Variants in OVCH1 observed in about 807,000 individuals in gnomAD.
OVCH1 encodes the protein ovochymase 1.
In OVCH1, 139 loss-of-function variants were observed where a neutral mutation model predicts 138.4. That is an observed-to-expected ratio of 1.00 (90% CI 0.87 to 1.16). OVCH1 has a LOEUF of 1.16. Among genes scored for constraint, OVCH1 ranks in the 50% most tolerant of loss-of-function variants. The probability of loss-of-function intolerance (pLI) is 0.00; values close to 1 mark genes in which losing one functional copy is unlikely to be tolerated. For synonymous variants in OVCH1, 453 were observed against 467.8 expected (o/e 0.97, Z 0.41); for missense variants, 1,367 against 1,357.9 (o/e 1.01, Z -0.11).
chr12:29,465,496 C>A (rs1269643211), intron 16 of OVCH1, among the ~76,000 whole-genome samples: 2 of 152,026 alleles, frequency 1.3e-5, no homozygotes, highest in African/African-American at 4.8e-5. Context: ...ACTTTTGAAC[C>A]ATCAGATCTT....
chr12:29,402,411 A>G, the OVCH1 span, among the ~76,000 whole-genome samples: 1,508 of 152,296 alleles, frequency 9.9e-3, 22 homozygotes, highest in African/African-American at 0.035. Context: ...CATTTATAAT[A>G]CTTTCTCATT....
At chr12:29,463,500 G>A (rs1312652053) in intron 18 of OVCH1, among the ~76,000 whole-genome samples, 1 of 152,138 alleles carries the variant, frequency 6.6e-6, no homozygotes, top group East Asian at 1.9e-4. Context: ...TGTGGAAGAG[G>A]TTAAGTGGGG....
chr12:29,492,346 A>G (rs1943296075), intron 4 of OVCH1, among the ~76,000 whole-genome samples: 1 of 152,094 alleles, frequency 6.6e-6, no homozygotes, highest in Admixed American at 6.6e-5. Context: ...AAAAATAAAC[A>G]AATCAGAGGT....
At chr12:29,495,425 C>T in exon 4 of OVCH1, 1 of 1,613,180 alleles carries the variant, frequency 6.2e-7, no homozygotes, top group Middle Eastern at 1.7e-4. Flanking sequence ...GCTGTACTCC[C>T]CAGAAGTCAC....
At chr12:29,473,717 A>G (rs1365063575) in intron 14 of OVCH1, among the ~76,000 whole-genome samples, 1 of 152,048 alleles carries the variant, frequency 6.6e-6, no homozygotes, top group East Asian at 1.9e-4. Context: ...TGTCAACTTG[A>G]TTGGATTGAG....
chr12:29,496,772 C>T (rs764028156), intron 1 of OVCH1, 98 bp from the exon 2 acceptor site: 40 of 825,152 alleles, frequency 4.8e-5, no homozygotes, highest in Admixed American at 2.5e-4. Context: ...CTGGCACAGA[C>T]ATTCTGATAG....
In OVCH1 at chr12:29,457,988, T is replaced by G. The variant is rs576474800; in HGVS notation, c.2281-2583A>C. 2.6e-4 allele frequency among the ~76,000 whole-genome samples: 39 copies of G among 152,290 alleles called. No individual in the cohort carries two copies. The East Asian group carries it at 5.6e-3, about 22-fold the overall frequency. On this transcript the variant is annotated intron_variant, in intron 19 of 27. Transcript: ENST00000318184. ...AAAAGATATATCTGGGCTTAGGCTC[T>G]AAGGCAAGATATGGTCAGTTGGAAG...
At chr12:29,473,953 T>C (rs1411715288) in intron 14 of OVCH1, among the ~76,000 whole-genome samples, 1 of 152,066 alleles carries the variant, frequency 6.6e-6, no homozygotes, top group Non-Finnish European at 1.5e-5. Flanking sequence ...CCTAGAACAC[T>C]GGACTCCAAG....
chr12:29,470,614 A>G (rs1942472433), intron 16 of OVCH1, among the ~76,000 whole-genome samples: 1 of 152,148 alleles, frequency 6.6e-6, no homozygotes, highest in African/African-American at 2.4e-5. Context: ...TAACCAATCT[A>G]TCATTGATGG....
chr12:29,403,058 C>T, the OVCH1 span, among the ~76,000 whole-genome samples: 21 of 152,200 alleles, frequency 1.4e-4, no homozygotes, highest in African/African-American at 4.8e-4. Flanking sequence ...CCATTTTGTT[C>T]GAGAGTTAAG....
rs78288577 is a variant in OVCH1, at chr12:29,483,823, C to T, written c.995+2423G>A. On this transcript the variant is annotated intron_variant, in intron 8 of 27. Coordinates refer to ENST00000318184, the Ensembl canonical transcript of OVCH1. Reference sequence around the variant, plus strand: ...CTATAAAATCATAACTATCCTTCAACGCCTCATTTCAATGCCATCTTTTCC... The same window carrying T: ...CTATAAAATCATAACTATCCTTCAATGCCTCATTTCAATGCCATCTTTTCC... Among the ~76,000 whole-genome samples the T allele has an allele frequency of 4.0e-3, 613 of 152,212 alleles. 25 individuals are homozygous for T. In the East Asian group the frequency reaches 0.091, roughly 23 times the overall value.
chr12:29,471,129 A>C (rs1942493567), intron 16 of OVCH1, among the ~76,000 whole-genome samples: 1 of 152,132 alleles, frequency 6.6e-6, no homozygotes, highest in African/African-American at 2.4e-5. Flanking sequence ...GGGTCTCGAA[A>C]GGTGAGTATA....
At chr12:29,484,021 A>G (rs1384085845) in intron 8 of OVCH1, among the ~76,000 whole-genome samples, 1 of 152,234 alleles carries the variant, frequency 6.6e-6, no homozygotes, top group Non-Finnish European at 1.5e-5. Flanking sequence ...TCTTTCTACC[A>G]GATTATAAAC....
At chr12:29,489,623 G>A in exon 6 of OVCH1, 1 of 1,604,476 alleles carries the variant, frequency 6.2e-7, no homozygotes, top group Non-Finnish European at 8.5e-7. Context: ...TTTGTACCTG[G>A]CAGGCGTCCA....
intron 27 of OVCH1, among the ~76,000 whole-genome samples, chr12:29,431,597 C>T (rs575207421): frequency 3.3e-5 from 5 of 152,140 alleles, no homozygotes; most frequent in African/African-American, 1.2e-4. Flanking sequence ...ACCATTTTTC[C>T]ATGCTACTAA....
At chr12:29,414,803 A>G (rs942098759) in intron 3 of OVCH1, among the ~76,000 whole-genome samples, 4 of 152,182 alleles carry the variant, frequency 2.6e-5, no homozygotes, top group Admixed American at 6.5e-5. Context: ...AAAGGAAACA[A>G]TCCATTTTCA....
intron 14 of OVCH1, 106 bp from the exon 15 acceptor site, chr12:29,473,209 C>T: frequency 1.4e-6 from 1 of 721,176 alleles, no homozygotes; most frequent in Non-Finnish European, 2.4e-6. Flanking sequence ...GTAGATCTCA[C>T]TAACACTACC....
chr12:29,428,629 A>ATACT (rs1485647480), intron 27 of OVCH1, among the ~76,000 whole-genome samples: 2 of 152,230 alleles, frequency 1.3e-5, no homozygotes, highest in Non-Finnish European at 2.9e-5. Context: ...AATAAGAGCC[A>ATACT]TACTTACTGA....
chr12:29,492,257 G>T (rs1565615392), intron 4 of OVCH1, among the ~76,000 whole-genome samples: 3 of 151,972 alleles, frequency 2.0e-5, no homozygotes, highest in African/African-American at 4.8e-5. Context: ...AATCCTTGCT[G>T]CAGGATCATG....
Sources: gnomAD v4.1 joint callset for allele counts (sites outside exome capture counted in the v4.1 genomes callset) on GRCh38, gnomAD v4.1.1 for gene constraint, MANE v1.5 for transcripts, NCBI Gene and HGNC (gene_info 2026-07-23, HGNC 2026-07-21) for gene names.